The following HAAO variants were observed in gnomAD, a reference collection of about 807,000 sequenced individuals.
The protein encoded by HAAO is 3-hydroxyanthranilate oxygenase.
HAAO carries 49 observed loss-of-function variants against 46.2 expected under a neutral mutation model. The observed-to-expected ratio is 1.06, with a 90% CI of 0.84 to 1.34. HAAO has a LOEUF of 1.34. Among genes scored for constraint, HAAO ranks in the 40% most tolerant of loss-of-function variants. HAAO has a pLI of 0.00. For missense variants in HAAO, 408 were observed against 364.5 expected (o/e 1.12, Z -0.97); for synonymous variants, 157 against 145.2 (o/e 1.08, Z -0.58).
At chr2:42,767,961 T>C in intron 7 of HAAO, 33 bp from the exon 8 acceptor site, 3 of 1,592,694 alleles carry the variant, frequency 1.9e-6, no homozygotes, top group Non-Finnish European at 2.6e-6. Context: ...CTTCTGGTGC[T>C]TCTTGCCCCA....
At chr2:42,775,843 CT>C (rs1369449857) in intron 4 of HAAO, among the ~76,000 whole-genome samples, 1 of 134,558 alleles carries the variant, frequency 7.4e-6, no homozygotes, top group Non-Finnish European at 1.6e-5. Flanking sequence ...AAACTGCTTA[CT>C]TTTATATTGT....
At chr2:42,782,902 G>C in intron 4 of HAAO, 1 of 460,730 alleles carries the variant, frequency 2.2e-6, no homozygotes, top group Non-Finnish European at 4.4e-6. Context: ...GTATAAAGCC[G>C]AGCTGTGCTC....
chr2:42,771,558 T>C (rs1420582937), intron 4 of HAAO, among the ~76,000 whole-genome samples: 1 of 152,204 alleles, frequency 6.6e-6, no homozygotes, highest in Non-Finnish European at 1.5e-5. Flanking sequence ...TTGGACCTCT[T>C]TTCTGGGGTA....
intron 1 of HAAO, 47 bp downstream of exon 1, chr2:42,792,410 G>T (rs368230919): frequency 8.3e-6 from 9 of 1,078,616 alleles, no homozygotes; most frequent in South Asian, 1.4e-5. Flanking sequence ...GATGGAGGAG[G>T]GGGAGGAGGC....
At chr2:42,781,934 A>C (rs1672030799) in intron 4 of HAAO, among the ~76,000 whole-genome samples, 1 of 152,260 alleles carries the variant, frequency 6.6e-6, no homozygotes, top group Non-Finnish European at 1.5e-5. Context: ...AGTATAATAA[A>C]GCAAATCAGT....
At chr2:42,775,371 C>G (rs1163167388) in intron 4 of HAAO, among the ~76,000 whole-genome samples, 1 of 151,804 alleles carries the variant, frequency 6.6e-6, no homozygotes, top group Admixed American at 6.6e-5. Context: ...ATAAACAAGG[C>G]CACTTTTGCT....
chr2:42,779,513 G>C (rs755838950), intron 4 of HAAO, among the ~76,000 whole-genome samples: 18 of 152,042 alleles, frequency 1.2e-4, no homozygotes, highest in Non-Finnish European at 1.3e-4. Flanking sequence ...GTAGAGGCGG[G>C]GTTTCACCAT....
intron 4 of HAAO, among the ~76,000 whole-genome samples, chr2:42,773,575 T>G (rs1278149015): frequency 1.3e-5 from 2 of 149,126 alleles, no homozygotes; most frequent in Non-Finnish European, 3.0e-5. Context: ...AGGGCAAACC[T>G]ACCCCCTATT....
chr2:42,773,404 G>A lies in HAAO; in HGVS notation c.351-2822C>T, dbSNP rs1671297677. On this transcript the variant is annotated intron_variant, in intron 4 of 9. Coordinates refer to ENST00000294973, the MANE Select transcript of HAAO (RefSeq NM_012205.3). The stretch of plus-strand genomic sequence containing the variant: ...CTGGCCGTGATTCTAAATTCTGGGG[G>A]GAAGCAGCAGTTCTGGCTGCACTGG... Among the ~76,000 whole-genome samples, 8 of 152,028 alleles carry A rather than the reference G, an allele frequency of 5.3e-5. No individual in the cohort carries two copies. The South Asian group carries it at 1.7e-3, about 32-fold the overall frequency.
intron 2 of HAAO, among the ~76,000 whole-genome samples, chr2:42,787,156 A>G (rs1196831064): frequency 6.6e-6 from 1 of 151,750 alleles, no homozygotes; most frequent in Non-Finnish European, 1.5e-5. Context: ...TCTCCTTATC[A>G]CTCAATCCCT....
At chr2:42,781,789 A>C (rs543382219) in intron 4 of HAAO, among the ~76,000 whole-genome samples, 1 of 152,210 alleles carries the variant, frequency 6.6e-6, no homozygotes, top group South Asian at 2.1e-4. Flanking sequence ...CAGGAGAATC[A>C]CTTGAACCCA....
At chr2:42,771,568 A>G (rs1039070886) in intron 4 of HAAO, among the ~76,000 whole-genome samples, 4 of 152,162 alleles carry the variant, frequency 2.6e-5, no homozygotes, top group Non-Finnish European at 4.4e-5. Context: ...TTTCTGGGGT[A>G]AGGCCCATGT....
At chr2:42,768,700 T>C (rs3755540) in intron 7 of HAAO, among the ~76,000 whole-genome samples, 114,349 of 151,582 alleles carry the variant, frequency 0.75, 43,499 homozygotes, top group Middle Eastern at 0.87. Context: ...CCAGCCTTGT[T>C]CCCACACGTG....
chr2:42,769,570 TGTGTGTGTGTG>T (rs1260920439), intron 7 of HAAO, 132 bp downstream of exon 7: 28 of 15,454 alleles, frequency 1.8e-3, no homozygotes, highest in African/African-American at 7.6e-3. Context: ...ACCTCTGAAA[TGTGTGTGTGTG>T]TGTGTGTGTG....
chr2:42,787,569 C>A (rs770981242), intron 2 of HAAO, among the ~76,000 whole-genome samples: 2 of 152,146 alleles, frequency 1.3e-5, no homozygotes, highest in Non-Finnish European at 2.9e-5. Context: ...TGGCCCAGGG[C>A]CCATCGTTCC....
chr2:42,768,041 A>G, intron 7 of HAAO, 113 bp from the exon 8 acceptor site: 1 of 865,014 alleles, frequency 1.2e-6, no homozygotes. Flanking sequence ...GGCCCATGAA[A>G]CAGCCCCATC....
intron 7 of HAAO, 25 bp from the exon 8 acceptor site, chr2:42,767,953 T>C (rs1573893041): frequency 6.2e-7 from 1 of 1,604,616 alleles, no homozygotes; most frequent in East Asian, 2.2e-5. Flanking sequence ...AACAGAAACT[T>C]CTGGTGCTTC....
In HAAO at chr2:42,767,173, A is replaced by G; in HGVS notation, c.*264T>C. ...CTGCAGGGACAGAGGAATGGGCAGG[A>G]GCGGGGCCGGGGGTAGACCACCTGG... On this transcript the variant is annotated 3_prime_UTR_variant, in exon 10 of 10. Coordinates refer to ENST00000294973, the MANE Select transcript of HAAO (RefSeq NM_012205.3). 1.7e-6 allele frequency: 1 copy of G among 575,368 alleles called. No homozygotes were observed. Among genetic ancestry groups the G allele is most frequent in the South Asian group, 2.0e-5 (1 of 50,644 alleles). The allele number at this position is 575,368 out of a possible 1,614,324, so 35.6% of individuals were successfully genotyped here. A position where few individuals can be genotyped will look rare whatever the true frequency, so the allele number is the denominator to read the frequency against.
intron 8 of HAAO, 39 bp downstream of exon 8, chr2:42,767,821 G>A: frequency 6.2e-7 from 1 of 1,600,150 alleles, no homozygotes; most frequent in Non-Finnish European, 8.6e-7. Flanking sequence ...ATGCCCTCTG[G>A]CAGGGGGTTC....
Sources: allele counts gnomAD v4.1 joint callset (sites outside exome capture counted in the v4.1 genomes callset), GRCh38; gene constraint gnomAD v4.1.1; transcripts MANE v1.5; gene names NCBI Gene and HGNC (gene_info 2026-07-23, HGNC 2026-07-21).